The following NTRK3 variants were observed in gnomAD, a reference collection of about 807,000 sequenced individuals.
NTRK3 encodes NT-3 growth factor receptor.
Under a neutral mutation model 91.7 loss-of-function variants are expected in NTRK3, and 24 were observed. That is an observed-to-expected ratio of 0.26 (90% CI 0.19 to 0.37). The LOEUF is 0.37. NTRK3 is among the 10% of genes least tolerant of loss of function. The probability of loss-of-function intolerance (pLI) is 1.00; values close to 1 mark genes in which losing one functional copy is unlikely to be tolerated. For missense variants in NTRK3, 880 were observed against 1,068.9 expected, an observed-to-expected ratio of 0.82 and a Z score of 2.46; for synonymous variants, 483 against 404.0, an observed-to-expected ratio of 1.20 and a Z score of -2.34.
At chr15:87,949,682 G>A (rs962816217) in intron 14 of NTRK3, among the ~76,000 whole-genome samples, 2 of 152,046 alleles carry the variant, frequency 1.3e-5, no homozygotes, top group African/African-American at 4.8e-5. Context: ...CAACACCCAG[G>A]CTCCCAACAT....
intron 14 of NTRK3, 78 bp downstream of exon 14, chr15:88,032,779 C>T (rs1203135379): frequency 6.5e-7 from 1 of 1,534,786 alleles, no homozygotes. Flanking sequence ...CTAGAAGGTT[C>T]CAGAACCCCA....
chr15:87,945,096 G>A (rs2070322899), intron 14 of NTRK3, among the ~76,000 whole-genome samples: 1 of 152,202 alleles, frequency 6.6e-6, no homozygotes, highest in Non-Finnish European at 1.5e-5. Flanking sequence ...GCAGGGAGGG[G>A]GATGAATACC....
intron 14 of NTRK3, among the ~76,000 whole-genome samples, chr15:87,953,310 G>A (rs968916606): frequency 1.5e-4 from 23 of 152,250 alleles, no homozygotes; most frequent in African/African-American, 5.5e-4. Flanking sequence ...CAAGCTCCGA[G>A]TTTGCTGCCT....
At chr15:87,922,413 G>C (rs1010058206) in intron 17 of NTRK3, among the ~76,000 whole-genome samples, 23 of 152,280 alleles carry the variant, frequency 1.5e-4, no homozygotes, top group African/African-American at 5.3e-4. Flanking sequence ...AAACTAATGA[G>C]GGGGCTGCCC....
chr15:87,915,906 T>C (rs1354845177), intron 17 of NTRK3, among the ~76,000 whole-genome samples: 1 of 152,210 alleles, frequency 6.6e-6, no homozygotes, highest in Admixed American at 6.5e-5. Context: ...AGAAGCTCAG[T>C]GATTCAATTG....
chr15:88,117,368 T>C (rs1348618224), intron 13 of NTRK3, among the ~76,000 whole-genome samples: 1 of 152,232 alleles, frequency 6.6e-6, no homozygotes, highest in African/African-American at 2.4e-5. Context: ...TTGATGCCTG[T>C]CACTCTCTTC....
intron 15 of NTRK3, among the ~76,000 whole-genome samples, chr15:87,936,239 G>A (rs188945821): frequency 6.6e-6 from 1 of 152,294 alleles, no homozygotes; most frequent in Admixed American, 6.5e-5. Flanking sequence ...AGCTGGGGAG[G>A]CTCCTGGCTC....
chr15:88,212,499 T>C (rs2049339535), intron 3 of NTRK3, among the ~76,000 whole-genome samples: 1 of 152,198 alleles, frequency 6.6e-6, no homozygotes, highest in Non-Finnish European at 1.5e-5. Context: ...AGCTTACATA[T>C]GAGGCAAGGT....
intron 9 of NTRK3, 151 bp from the exon 10 acceptor site, chr15:88,135,548 G>A (rs2041793355): frequency 5.3e-6 from 5 of 940,638 alleles, no homozygotes; most frequent in African/African-American, 1.6e-5. Context: ...TCCCAGCAGA[G>A]GGGAAGAGAT....
rs142030382 is a variant in NTRK3 at position 88,246,782 on chromosome 15, T to A, written c.248+9124A>T. ...AAAGTCCGGGTCCTGGAGTCTCACA[T>A]CCCTGGACTGCAGAGATACAATGGA... is the stretch of plus-strand genomic sequence containing the variant. On this transcript the variant is annotated intron_variant, in intron 3 of 18. Transcript: ENST00000394480. Among the ~76,000 whole-genome samples, 507 of 152,192 alleles carry A rather than the reference T, an allele frequency of 3.3e-3. 9 individuals carry two copies. Among genetic ancestry groups the A allele is most frequent in the East Asian group, 5.8e-3 (30 of 5,160 alleles).
At chr15:88,113,790 T>C (rs997854233) in intron 13 of NTRK3, among the ~76,000 whole-genome samples, 1 of 152,174 alleles carries the variant, frequency 6.6e-6, no homozygotes, top group African/African-American at 2.4e-5. Context: ...CCTTGAGTGA[T>C]TGCAACAGAA....
At chr15:88,184,360 G>A (rs1217751228) in intron 3 of NTRK3, 61 bp from the exon 4 acceptor site, 25 of 1,505,734 alleles carry the variant, frequency 1.7e-5, no homozygotes, top group Non-Finnish European at 2.3e-5. Context: ...GCTGGCTTTG[G>A]AGCCACAGAG....
intron 13 of NTRK3, among the ~76,000 whole-genome samples, chr15:88,100,509 G>C (rs2050061768): frequency 6.6e-6 from 1 of 152,146 alleles, no homozygotes; most frequent in Non-Finnish European, 1.5e-5. Context: ...ATTCAAGCAA[G>C]CCTCAGCTAA....
At chr15:87,919,536 T>C (rs941569095) in intron 17 of NTRK3, among the ~76,000 whole-genome samples, 2 of 152,196 alleles carry the variant, frequency 1.3e-5, no homozygotes, top group African/African-American at 2.4e-5. Context: ...CAGGTAGATG[T>C]CCCCAACATT....
chr15:88,234,985 G>C lies in NTRK3; in HGVS notation c.248+20921C>G, dbSNP rs567404947. On this transcript the variant is annotated intron_variant, in intron 3 of 18. Transcript: ENST00000394480. This position sits in a 1 kb window ranked among gnomAD's most constrained non-coding sequence, Gnocchi z 6.1. ...CTGGGCCTGGAAACTTCTGGCTCCA[G>C]TTCTCATGAAGCTCTGACTGTCTGT... 6.6e-6 allele frequency among the ~76,000 whole-genome samples: 1 copy of C among 152,240 alleles called. No homozygotes were observed. Among genetic ancestry groups the C allele is most frequent in the South Asian group, 2.1e-4 (1 of 4,824 alleles).
At chr15:88,148,473 T>C (rs2043082614) in intron 5 of NTRK3, among the ~76,000 whole-genome samples, 1 of 152,016 alleles carries the variant, frequency 6.6e-6, no homozygotes, top group African/African-American at 2.4e-5. Flanking sequence ...TCTGAGAAGG[T>C]AGCATCAGGC....
At chr15:88,001,357 A>G (rs1400933491) in intron 14 of NTRK3, among the ~76,000 whole-genome samples, 1 of 152,122 alleles carries the variant, frequency 6.6e-6, no homozygotes, top group African/African-American at 2.4e-5. Flanking sequence ...TCTGATATAT[A>G]TATTTTTTCT....
intron 17 of NTRK3, among the ~76,000 whole-genome samples, chr15:87,912,745 C>G (rs1226827794): frequency 6.7e-6 from 1 of 150,062 alleles, no homozygotes; most frequent in Admixed American, 6.7e-5. Flanking sequence ...AGATGCTTAC[C>G]CAAATTTCAT....
chr15:87,987,654 C>T (rs1056380774), intron 14 of NTRK3, among the ~76,000 whole-genome samples: 5 of 151,586 alleles, frequency 3.3e-5, no homozygotes, highest in Non-Finnish European at 7.4e-5. Context: ...TACTGTTTGT[C>T]TTTTAACTTT....
Sources: allele counts gnomAD v4.1 joint callset (sites outside exome capture counted in the v4.1 genomes callset), GRCh38; gene constraint gnomAD v4.1.1; non-coding constraint Gnocchi (gnomAD v3.1); transcripts MANE v1.5; gene names NCBI Gene and HGNC (gene_info 2026-07-23, HGNC 2026-07-21).